The following SGCG variants were observed in gnomAD, a reference collection of about 807,000 sequenced individuals.
SGCG encodes sarcoglycan gamma, also known as gamma-sarcoglycan.
Under a neutral mutation model 29.3 loss-of-function variants are expected in SGCG, and 26 were observed. The observed-to-expected ratio is 0.89, with a 90% CI of 0.65 to 1.23. The LOEUF (loss-of-function observed/expected upper bound fraction) is 1.23, where lower values mean the gene tolerates loss of function less well. SGCG is among the 50% of genes most tolerant of loss of function. The pLI is 0.00. For synonymous variants in SGCG, 145 were observed against 129.7 expected (o/e 1.12, Z -0.80); for missense variants, 353 against 356.0 (o/e 0.99, Z 0.07).
intron 5 of SGCG, among the ~76,000 whole-genome samples, chr13:23,293,328 T>C (rs1350629714): frequency 2.0e-5 from 3 of 152,236 alleles, no homozygotes; most frequent in Non-Finnish European, 4.4e-5. Flanking sequence ...CTACTAAATC[T>C]GTTTGTAATT....
the SGCG span, among the ~76,000 whole-genome samples, chr13:23,171,587 C>T: frequency 3.3e-5 from 5 of 152,194 alleles, no homozygotes; most frequent in Non-Finnish European, 5.9e-5. Context: ...CAGTCCCCAG[C>T]CTTTTTGGCA....
chr13:23,208,887 T>C (rs531722346), intron 2 of SGCG, among the ~76,000 whole-genome samples: 1 of 152,248 alleles, frequency 6.6e-6, no homozygotes, highest in South Asian at 2.1e-4. Context: ...GAGTATAGAA[T>C]AATATACATG....
At chr13:23,208,045 G>A (rs1051965062) in intron 2 of SGCG, among the ~76,000 whole-genome samples, 10 of 151,992 alleles carry the variant, frequency 6.6e-5, no homozygotes, top group Admixed American at 2.0e-4. Flanking sequence ...GAAGTAATAC[G>A]TCTATAAAAG....
intron 5 of SGCG, among the ~76,000 whole-genome samples, chr13:23,289,313 G>T (rs1178034842): frequency 6.6e-6 from 1 of 152,192 alleles, no homozygotes; most frequent in Non-Finnish European, 1.5e-5. Context: ...CACATAGGAA[G>T]GCTGGGGAAA....
chr13:23,300,365 G>C (rs1194748922), intron 6 of SGCG, among the ~76,000 whole-genome samples: 1 of 152,168 alleles, frequency 6.6e-6, no homozygotes, highest in Non-Finnish European at 1.5e-5. Flanking sequence ...TACTCATAGA[G>C]AAATCAGGAT....
rs933677482 is a variant in SGCG, at chr13:23,230,255, G to A, written c.196-4356G>A. On this transcript the variant is annotated intron_variant, in intron 2 of 7. Transcript: ENST00000218867. ...GCTCCTTTTGCTTAGGATTGTCTTG[G>A]CTAATTCGGGCTCTTTTCTTTTTGT... Among the ~76,000 whole-genome samples, 5 of 152,138 alleles carry A rather than the reference G, an allele frequency of 3.3e-5. No individual in the cohort carries two copies. In the East Asian group the frequency reaches 9.6e-4, roughly 29 times the overall value.
intron 4 of SGCG, among the ~76,000 whole-genome samples, chr13:23,273,753 G>A (rs558166489): frequency 2.0e-5 from 3 of 152,144 alleles, no homozygotes; most frequent in South Asian, 4.1e-4. Context: ...GTCTTTCTAC[G>A]TTATGAAAGT....
At chr13:23,256,084 T>C (rs1048149857) in intron 4 of SGCG, among the ~76,000 whole-genome samples, 30 of 152,122 alleles carry the variant, frequency 2.0e-4, no homozygotes, top group East Asian at 1.9e-4. Context: ...GACAATAACC[T>C]ATAAATATTA....
intron 1 of SGCG, among the ~76,000 whole-genome samples, chr13:23,203,436 TATG>T (rs1318119784): frequency 6.6e-6 from 1 of 152,212 alleles, no homozygotes; most frequent in East Asian, 1.9e-4. Flanking sequence ...CATTTGAAAA[TATG>T]GTCACTAGAT....
the SGCG span, among the ~76,000 whole-genome samples, chr13:23,171,746 A>T: frequency 1.3e-5 from 2 of 152,286 alleles, no homozygotes; most frequent in South Asian, 4.1e-4. Context: ...GTAGTTCACA[A>T]TAGGGTTCAC....
intron 4 of SGCG, among the ~76,000 whole-genome samples, chr13:23,273,249 G>A (rs1402480749): frequency 6.6e-6 from 1 of 151,522 alleles, no homozygotes; most frequent in Non-Finnish European, 1.5e-5. Context: ...CAATGGCACG[G>A]TCTCAGCTCA....
At chr13:23,205,952 T>C (rs892210748) in intron 2 of SGCG, among the ~76,000 whole-genome samples, 2 of 152,200 alleles carry the variant, frequency 1.3e-5, no homozygotes, top group African/African-American at 4.8e-5. Context: ...CAGGCCTTAA[T>C]TGGAAGATGC....
chr13:23,190,655 C>A (rs533621410), intron 1 of SGCG, among the ~76,000 whole-genome samples: 1 of 152,074 alleles, frequency 6.6e-6, no homozygotes, highest in African/African-American at 2.4e-5. Flanking sequence ...GCATGATAAC[C>A]TTTATGAAAC....
chr13:23,290,310 A>G (rs1286486580), intron 5 of SGCG, among the ~76,000 whole-genome samples: 1 of 152,196 alleles, frequency 6.6e-6, no homozygotes, highest in Non-Finnish European at 1.5e-5. Flanking sequence ...CTAGAGATAA[A>G]TGTGGGTGTC....
chr13:23,269,898 G>A (rs7989409), intron 4 of SGCG, among the ~76,000 whole-genome samples: 60,545 of 139,308 alleles, frequency 0.43, 14,255 homozygotes, highest in Middle Eastern at 0.63. Flanking sequence ...TTTTTGAGGC[G>A]GAGTCTCCCT....
At chr13:23,161,282 G>A in the SGCG span, among the ~76,000 whole-genome samples, 1,371 of 152,266 alleles carry the variant, frequency 9.0e-3, 11 homozygotes, top group African/African-American at 0.03. Context: ...TTACATCAGC[G>A]TTAGCAAGTT....
intron 6 of SGCG, among the ~76,000 whole-genome samples, chr13:23,295,777 G>A (rs560342411): frequency 6.6e-6 from 1 of 152,296 alleles, no homozygotes. Flanking sequence ...CTAAATGCAA[G>A]CTGGTTAAAA....
At chr13:23,242,125 G>A (rs1348319608) in intron 3 of SGCG, among the ~76,000 whole-genome samples, 1 of 152,054 alleles carries the variant, frequency 6.6e-6, no homozygotes, top group African/African-American at 2.4e-5. Flanking sequence ...TTCAAAGAAT[G>A]GTAAGGAAAT....
At chr13:23,287,212 G>A (rs1264376555) in intron 5 of SGCG, among the ~76,000 whole-genome samples, 1 of 152,200 alleles carries the variant, frequency 6.6e-6, no homozygotes, top group Non-Finnish European at 1.5e-5. Flanking sequence ...TTTATAACCA[G>A]AGAGGTTAAT....
Sources: gnomAD v4.1 joint callset for allele counts (sites outside exome capture counted in the v4.1 genomes callset) on GRCh38, gnomAD v4.1.1 for gene constraint, MANE v1.5 for transcripts, NCBI Gene and HGNC (gene_info 2026-07-23, HGNC 2026-07-21) for gene names.